The following DENND1A variants were observed in gnomAD, a reference collection of about 807,000 sequenced individuals.
The protein encoded by DENND1A is DENN domain-containing protein 1A.
In DENND1A, 51 loss-of-function variants were observed where a neutral mutation model predicts 113.7. That is an observed-to-expected ratio of 0.45 (90% confidence interval 0.36 to 0.57). The LOEUF is 0.57. Ranked by LOEUF, DENND1A falls within the 20% of genes least tolerant of loss-of-function variation. The pLI is 0.00. For synonymous variants in DENND1A, 565 were observed against 570.8 expected (o/e 0.99, Z 0.14); for missense variants, 1,258 against 1,395.9 (o/e 0.90, Z 1.57).
In DENND1A at chr9:123,662,357, T is replaced by A. The variant is rs533645299; in HGVS notation, c.507+4669A>T. On this transcript the variant is annotated intron_variant, in intron 8 of 23. Transcript: ENST00000394215. ...CAGGTGGATCAATTGAGGTCAGGAG[T>A]TCAAGACCAGCCTGGCCAACATGGT... Among the ~76,000 whole-genome samples the A allele has an allele frequency of 9.9e-5, 15 of 152,044 alleles. No individual in the cohort carries two copies. In the South Asian group the frequency reaches 1.5e-3, roughly 15 times the overall value.
intron 6 of DENND1A, among the ~76,000 whole-genome samples, chr9:123,673,748 C>T (rs930308329): frequency 6.6e-6 from 1 of 152,226 alleles, no homozygotes; most frequent in Non-Finnish European, 1.5e-5. Context: ...GGGTTCACAC[C>T]AATGGCTCCT....
At chr9:123,497,946 C>T (rs2052093935) in intron 13 of DENND1A, among the ~76,000 whole-genome samples, 1 of 152,108 alleles carries the variant, frequency 6.6e-6, no homozygotes. Context: ...AGACCCCATG[C>T]TAGCAGAGAG....
intron 2 of DENND1A, among the ~76,000 whole-genome samples, chr9:123,833,661 T>C (rs1840623183): frequency 6.6e-6 from 1 of 152,236 alleles, no homozygotes. Flanking sequence ...AGAAATAGCC[T>C]ATATATTTTT....
rs188706603 is a variant in DENND1A at position 123,835,436 on chromosome 9, G to T, written c.89-42806C>A. On this transcript the variant is annotated intron_variant, in intron 2 of 23. Coordinates refer to ENST00000394215, the MANE Select transcript of DENND1A (RefSeq NM_001352964.2). ...ACAATACAATCATGGTAGAGGTGGG[G>T]GGAATCTGTGTCCCTCTAGTAATGA... 2.0e-5 allele frequency among the ~76,000 whole-genome samples: 3 copies of T among 152,142 alleles called. No individual in the cohort carries two copies. In the East Asian group the frequency reaches 5.8e-4, roughly 29 times the overall value.
At chr9:123,725,607 C>T (rs2067648662) in intron 5 of DENND1A, among the ~76,000 whole-genome samples, 2 of 152,232 alleles carry the variant, frequency 1.3e-5, no homozygotes, top group African/African-American at 4.8e-5. Flanking sequence ...GCAGGCTTTG[C>T]TTAGCTGCAA....
rs1588932558 is a variant in DENND1A at position 123,514,942 on chromosome 9, C to T, written c.993+42628G>A. ...CTCCAGATCTGAGACAGGAAATGCA[C>T]AAGATGAACCTCAGGCAGTTTGGCA... is the stretch of plus-strand genomic sequence containing the variant. On this transcript the variant is annotated intron_variant, in intron 13 of 23. Transcript: ENST00000394215. Among the ~76,000 whole-genome samples the T allele has an allele frequency of 4.6e-5, 7 of 152,308 alleles. 1 individual carries two copies. Among genetic ancestry groups the T allele is most frequent in the Admixed American group, 3.9e-4 (6 of 15,296 alleles).
chr9:123,727,679 A>G (rs760671538), intron 5 of DENND1A, among the ~76,000 whole-genome samples: 2 of 152,180 alleles, frequency 1.3e-5, no homozygotes, highest in Non-Finnish European at 2.9e-5. Flanking sequence ...TTTAATTATT[A>G]GCTGTACCAT....
intron 13 of DENND1A, among the ~76,000 whole-genome samples, chr9:123,496,739 A>T (rs1175799899): frequency 2.0e-5 from 3 of 152,174 alleles, no homozygotes; most frequent in African/African-American, 4.8e-5. Context: ...ACTGTGATAA[A>T]ATTTAATTAG....
intron 18 of DENND1A, among the ~76,000 whole-genome samples, chr9:123,447,995 C>G (rs1469680378): frequency 6.6e-6 from 1 of 152,022 alleles, no homozygotes; most frequent in African/African-American, 2.4e-5. Flanking sequence ...TCTGTACGAC[C>G]GAAGGGGGGA....
At chr9:123,386,681 G>A (rs566333280) in intron 22 of DENND1A, among the ~76,000 whole-genome samples, 27 of 152,332 alleles carry the variant, frequency 1.8e-4, no homozygotes, top group South Asian at 1.0e-3. Context: ...ACTGCGCTTG[G>A]CAAGGCCACT....
At chr9:123,523,171 G>C (rs560674868) in intron 13 of DENND1A, among the ~76,000 whole-genome samples, 1 of 152,154 alleles carries the variant, frequency 6.6e-6, no homozygotes, top group African/African-American at 2.4e-5. Flanking sequence ...TGTTGCCTCC[G>C]ATCAGTCCAT....
intron 2 of DENND1A, among the ~76,000 whole-genome samples, chr9:123,811,084 T>A (rs1356423907): frequency 1.3e-5 from 2 of 152,166 alleles, no homozygotes; most frequent in Admixed American, 6.5e-5. Flanking sequence ...TTCATCCATC[T>A]TGCTTGAAGC....
At chr9:123,530,005 T>C (rs2055164071) in intron 13 of DENND1A, among the ~76,000 whole-genome samples, 1 of 152,170 alleles carries the variant, frequency 6.6e-6, no homozygotes, top group Non-Finnish European at 1.5e-5. Flanking sequence ...TGAAAGATAA[T>C]ACTAAAGAGT....
chr9:123,381,884 C>G lies in DENND1A; in HGVS notation c.2761G>C (p.Ala921Pro). The G allele has an allele frequency of 8.7e-7, 1 of 1,147,242 alleles. No homozygotes were observed. 71.1% of individuals were successfully genotyped at this position (1,147,242 alleles called of 1,614,324 possible). Reference sequence around the variant, plus strand: ...GACGCAAAAGCCGGCCCCAGGGAAGCTGGAGGGGCCCCGAAAGGCCCGGCT... The same window carrying G: ...GACGCAAAAGCCGGCCCCAGGGAAGGTGGAGGGGCCCCGAAAGGCCCGGCT... Reference protein sequence around the residue: ...TPAGPFGAPPASLGPAFASGL... With the variant: ...TPAGPFGAPPPSLGPAFASGL... The change falls in exon 24 of 24, where the codon GCT becomes CCT. Residue 921 changes from alanine (A) to proline (P), a missense_variant. Around this residue, in one of 2 missense-constraint regions of DENND1A, gnomAD observed 1,159 missense variants for 1,231.7 expected, o/e 0.94. Coordinates refer to ENST00000394215, the MANE Select transcript of DENND1A (RefSeq NM_001352964.2). The surrounding 1 kb of genome is among the most constrained non-coding windows in gnomAD (Gnocchi z 4.7).
At chr9:123,590,074 C>T (rs1012619298) in intron 11 of DENND1A, among the ~76,000 whole-genome samples, 1 of 152,210 alleles carries the variant, frequency 6.6e-6, no homozygotes, top group Non-Finnish European at 1.5e-5. Context: ...ATAGCCCTAA[C>T]AGGCACTCAT....
intron 4 of DENND1A, among the ~76,000 whole-genome samples, chr9:123,760,936 C>T (rs1484337264): frequency 1.3e-5 from 2 of 152,088 alleles, no homozygotes; most frequent in Non-Finnish European, 2.9e-5. Flanking sequence ...TATGATTGTT[C>T]AGTGTTTTAA....
intron 5 of DENND1A, among the ~76,000 whole-genome samples, chr9:123,728,979 C>A (rs925690322): frequency 6.6e-6 from 1 of 152,148 alleles, no homozygotes; most frequent in Admixed American, 6.5e-5. Context: ...AATCAATAAA[C>A]GTAATCCATC....
At chr9:123,758,938 C>T (rs1183694165) in intron 4 of DENND1A, among the ~76,000 whole-genome samples, 1 of 151,944 alleles carries the variant, frequency 6.6e-6, no homozygotes, top group Non-Finnish European at 1.5e-5. Flanking sequence ...GTACCTGGAA[C>T]TACAGGTGCC....
intron 12 of DENND1A, among the ~76,000 whole-genome samples, chr9:123,573,200 G>T (rs921788131): frequency 1.1e-4 from 16 of 152,018 alleles, no homozygotes; most frequent in Non-Finnish European, 1.8e-4. Flanking sequence ...AGTGAGTCTT[G>T]CAAACAGGTA....
Sources: gnomAD v4.1 joint callset for allele counts (sites outside exome capture counted in the v4.1 genomes callset) on GRCh38, gnomAD v4.1.1 for gene constraint, gnomAD v4.1.1 regional missense constraint, Gnocchi (gnomAD v3.1) non-coding constraint, MANE v1.5 for transcripts, NCBI Gene and HGNC (gene_info 2026-07-23, HGNC 2026-07-21) for gene names.